The following RNFT2 variants were observed in gnomAD, a reference collection of about 807,000 sequenced individuals.
RNFT2 encodes the protein E3 ubiquitin-protein ligase RNFT2.
A neutral mutation model predicts 53.0 loss-of-function variants in RNFT2; 36 were observed. The observed-to-expected ratio is 0.68, with a 90% CI of 0.52 to 0.90. The LOEUF is 0.90. Among genes scored for constraint, RNFT2 ranks in the 40% least tolerant of loss-of-function variants. The pLI, the probability that RNFT2 is intolerant of heterozygous loss-of-function variation, is 0.00. For missense variants in RNFT2, 514 were observed against 585.6 expected (o/e 0.88, Z 1.26); for synonymous variants, 260 against 253.2 (o/e 1.03, Z -0.26).
chr12:116,775,276 A>G (rs1167389134), intron 6 of RNFT2, among the ~76,000 whole-genome samples: 4 of 146,038 alleles, frequency 2.7e-5, no homozygotes, highest in African/African-American at 1.0e-4. Flanking sequence ...AAAAAAAAAA[A>G]AAAGAGAGAG....
At chr12:116,842,933 T>C (rs1383092619) in intron 10 of RNFT2, among the ~76,000 whole-genome samples, 1 of 152,138 alleles carries the variant, frequency 6.6e-6, no homozygotes, top group East Asian at 1.9e-4. Flanking sequence ...TCACCTGCAT[T>C]CATCCACCTG....
chr12:116,765,184 T>C (rs758240428), intron 5 of RNFT2, among the ~76,000 whole-genome samples: 2 of 152,208 alleles, frequency 1.3e-5, no homozygotes, highest in African/African-American at 2.4e-5. Flanking sequence ...TCCCAGAACA[T>C]TGCTAATTCC....
intron 6 of RNFT2, among the ~76,000 whole-genome samples, chr12:116,771,484 A>ATAT (rs1288359294): frequency 2.7e-4 from 31 of 115,944 alleles, no homozygotes; most frequent in East Asian, 7.2e-4. Context: ...AAAAAAAAAA[A>ATAT]AAAAAAAAAA....
Position 116,803,043 on chromosome 12 carries a change from C to T in RNFT2, c.882+23695C>T, listed in dbSNP as rs1023354396. On this transcript the variant is annotated intron_variant, in intron 7 of 10. Coordinates refer to ENST00000257575, the MANE Select transcript of RNFT2 (RefSeq NM_001382266.1). ...CTGGGAGGCAGAGGATGCAGTGAGC[C>T]GAGATCACGCCACTGCACCCCAGCC... Among the ~76,000 whole-genome samples the T allele has an allele frequency of 2.6e-5, 4 of 151,924 alleles. 1 individual carries two copies. Among genetic ancestry groups the T allele is most frequent in the South Asian group, 4.2e-4 (2 of 4,816 alleles).
At position 116,742,553 on chromosome 12, in the gene RNFT2, C is replaced by T. The variant is rs375991778; in HGVS notation, c.83+1459C>T. On this transcript the variant is annotated intron_variant, in intron 3 of 10. Transcript: ENST00000257575. ...AGCTCCTGCTCGCTGGGATTATAAG[C>T]GCAAGCCACCACGCCTGGCCTCAAG... Among the ~76,000 whole-genome samples the T allele has an allele frequency of 6.6e-5, 10 of 152,226 alleles. No individual in the cohort carries two copies. In the East Asian group the frequency reaches 1.4e-3, roughly 21 times the overall value.
intron 7 of RNFT2, among the ~76,000 whole-genome samples, chr12:116,787,685 C>G (rs560232412): frequency 1.3e-5 from 2 of 150,536 alleles, no homozygotes; most frequent in South Asian, 4.2e-4. Flanking sequence ...CTACACTCAG[C>G]CTGGGCAATA....
At chr12:116,833,666 T>C in intron 7 of RNFT2, 126 bp from the exon 8 acceptor site, 1 of 970,240 alleles carries the variant, frequency 1.0e-6, no homozygotes, top group Admixed American at 2.3e-5. Flanking sequence ...CTGAGTGCTT[T>C]CCAGAGCTGA....
At chr12:116,846,208 A>G (rs1877603624) in intron 10 of RNFT2, among the ~76,000 whole-genome samples, 1 of 152,234 alleles carries the variant, frequency 6.6e-6, no homozygotes, top group South Asian at 2.1e-4. Context: ...TATTACTATC[A>G]TAATAGCTAA....
intron 10 of RNFT2, among the ~76,000 whole-genome samples, chr12:116,845,728 C>T (rs116298732): frequency 0.012 from 1,854 of 152,202 alleles, 36 homozygotes; most frequent in African/African-American, 0.042. Context: ...CCCCTGGGTC[C>T]TGCCCTCCAG....
intron 7 of RNFT2, among the ~76,000 whole-genome samples, chr12:116,796,740 A>T (rs764851295): frequency 1.4e-4 from 22 of 152,112 alleles, no homozygotes; most frequent in Non-Finnish European, 2.8e-4. Flanking sequence ...TCCCAATCAG[A>T]CATCTGTCTA....
intron 7 of RNFT2, among the ~76,000 whole-genome samples, chr12:116,812,307 C>A (rs1875418048): frequency 6.6e-6 from 1 of 152,058 alleles, no homozygotes; most frequent in South Asian, 2.1e-4. Flanking sequence ...CCATAGCAGC[C>A]CGACATAAAT....
chr12:116,841,808 TATATATATAAAA>T (rs1405686625), intron 10 of RNFT2, among the ~76,000 whole-genome samples: 1,161 of 80,896 alleles, frequency 0.014, 83 homozygotes, highest in African/African-American at 0.074. Context: ...TATATATAAA[TATATATATAAAA>T]ATATATATAT....
rs1431295480 is a variant in RNFT2, at chr12:116,838,797, G to A, written c.1200+2515G>A. Among the ~76,000 whole-genome samples the A allele has an allele frequency of 5.3e-5, 8 of 152,166 alleles. No individual in the cohort carries two copies. In the East Asian group the frequency reaches 1.5e-3, roughly 29 times the overall value. ...TCCATTCTTCTCCTGATACCACTAT[G>A]TGCAACTGGATTAGAAATTCTTGGG... On this transcript the variant is annotated intron_variant, in intron 10 of 10. Transcript: ENST00000257575.
chr12:116,749,431 C>A (rs1016190913), intron 3 of RNFT2, among the ~76,000 whole-genome samples: 1 of 152,110 alleles, frequency 6.6e-6, no homozygotes, highest in African/African-American at 2.4e-5. Flanking sequence ...GCATGCGCCA[C>A]CATGCCTGGC....
In RNFT2 at chr12:116,815,792, C is replaced by G. The variant is rs374670504; in HGVS notation, c.883-18000C>G. On this transcript the variant is annotated intron_variant, in intron 7 of 10. Transcript: ENST00000257575. ...GGCATTATTCAGCCTTCCATATCCCCTACTTTGCTAACGAGGAAACTGAGG... is the reference window on the plus strand; with the variant it reads ...GGCATTATTCAGCCTTCCATATCCCGTACTTTGCTAACGAGGAAACTGAGG... Among the ~76,000 whole-genome samples the G allele has an allele frequency of 2.0e-5, 3 of 152,158 alleles. No homozygotes were observed. In the East Asian group the frequency reaches 5.8e-4, roughly 29 times the overall value.
intron 6 of RNFT2, among the ~76,000 whole-genome samples, chr12:116,778,810 A>G (rs1024501571): frequency 3.3e-5 from 5 of 152,212 alleles, no homozygotes; most frequent in African/African-American, 1.2e-4. Flanking sequence ...AGATCATGCC[A>G]CTGCACTCCA....
chr12:116,811,622 C>T (rs774665414), intron 7 of RNFT2, among the ~76,000 whole-genome samples: 1 of 152,158 alleles, frequency 6.6e-6, no homozygotes, highest in Non-Finnish European at 1.5e-5. Flanking sequence ...ATAATCTGCC[C>T]GCCTTGGCCT....
chr12:116,813,776 G>A (rs2137169718), intron 7 of RNFT2, among the ~76,000 whole-genome samples: 1 of 152,306 alleles, frequency 6.6e-6, no homozygotes, highest in East Asian at 1.9e-4. Flanking sequence ...TCTGAAGCAG[G>A]CAGTGTGAAT....
At chr12:116,841,906 T>TATATATATAAAAATATATATATAA (rs1877338051) in intron 10 of RNFT2, among the ~76,000 whole-genome samples, 13 of 38,912 alleles carry the variant, frequency 3.3e-4, no homozygotes, top group Admixed American at 9.9e-4. Context: ...TATATATATA[T>TATATATATAAAAATATATATATAA]AAATATATAT....
Sources: allele counts gnomAD v4.1 joint callset (sites outside exome capture counted in the v4.1 genomes callset), GRCh38; gene constraint gnomAD v4.1.1; transcripts MANE v1.5; gene names NCBI Gene and HGNC (gene_info 2026-07-23, HGNC 2026-07-21).